The following DYM variants were observed in gnomAD, a reference collection of about 807,000 sequenced individuals.
DYM encodes dyggve-Melchior-Clausen syndrome protein.
In DYM, 78 loss-of-function variants were observed where a neutral mutation model predicts 93.1. The ratio of observed to expected loss-of-function variants is 0.84; its 90% confidence interval spans 0.70 to 1.01. The LOEUF (loss-of-function observed/expected upper bound fraction) is 1.01. Among genes scored for constraint, DYM ranks in the 50% least tolerant of loss-of-function variants. DYM has a pLI of 0.00. For synonymous variants in DYM, 321 were observed against 319.7 expected, an observed-to-expected ratio of 1.00 and a Z score of -0.04; for missense variants, 789 against 845.0, an observed-to-expected ratio of 0.93 and a Z score of 0.82.
intron 13 of DYM, among the ~76,000 whole-genome samples, chr18:49,217,150 A>G (rs992432868): frequency 6.6e-6 from 1 of 152,228 alleles, no homozygotes; most frequent in Non-Finnish European, 1.5e-5. Context: ...AAGAAAGGGT[A>G]TCAGTGATGC....
intron 5 of DYM, among the ~76,000 whole-genome samples, chr18:49,378,267 TTG>T (rs1053033819): frequency 6.6e-6 from 1 of 152,214 alleles, no homozygotes; most frequent in Non-Finnish European, 1.5e-5. Flanking sequence ...AAATACATAT[TTG>T]TGTGAGTTTT....
At chr18:49,119,885 C>T (rs758276263) in intron 15 of DYM, among the ~76,000 whole-genome samples, 8 of 151,786 alleles carry the variant, frequency 5.3e-5, no homozygotes, top group African/African-American at 1.2e-4. Flanking sequence ...CTCAGGAGTT[C>T]GAGACCAGCC....
At chr18:49,232,143 G>C (rs4491603) in intron 13 of DYM, among the ~76,000 whole-genome samples, 91,680 of 151,890 alleles carry the variant, frequency 0.6, 30,078 homozygotes, top group Non-Finnish European at 0.74. Flanking sequence ...TTGTTTGAAA[G>C]ACAGGTACGT....
At chr18:49,142,029 T>G (rs938508457) in intron 15 of DYM, among the ~76,000 whole-genome samples, 2 of 151,458 alleles carry the variant, frequency 1.3e-5, no homozygotes, top group African/African-American at 4.9e-5. Context: ...AATTTTTTTT[T>G]TTTTTTGTAT....
At chr18:49,410,934 G>A (rs2072172429) in intron 2 of DYM, among the ~76,000 whole-genome samples, 1 of 152,110 alleles carries the variant, frequency 6.6e-6, no homozygotes, top group Non-Finnish European at 1.5e-5. Flanking sequence ...GCATATTATT[G>A]TCCATATGCA....
intron 8 of DYM, among the ~76,000 whole-genome samples, chr18:49,324,349 T>C (rs1303266364): frequency 6.6e-6 from 1 of 152,154 alleles, no homozygotes; most frequent in Non-Finnish European, 1.5e-5. Flanking sequence ...TGAAAATCTT[T>C]AATTGGCAAA....
chr18:49,253,303 T>G (rs2094327397), intron 13 of DYM, among the ~76,000 whole-genome samples: 1 of 152,250 alleles, frequency 6.6e-6, no homozygotes, highest in Non-Finnish European at 1.5e-5. Flanking sequence ...TGAGTTGTAC[T>G]GCTGTAATAA....
chr18:49,376,699 G>A (rs549592118), intron 5 of DYM, among the ~76,000 whole-genome samples: 5 of 152,332 alleles, frequency 3.3e-5, no homozygotes, highest in East Asian at 1.9e-4. Context: ...AATGAAAGGC[G>A]ATAGACTCCT....
chr18:49,432,329 C>CAAA (rs11429840), intron 1 of DYM, among the ~76,000 whole-genome samples: 38 of 75,756 alleles, frequency 5.0e-4, no homozygotes, highest in African/African-American at 9.3e-4. Context: ...AAGACTGTCT[C>CAAA]AAAAAAAAAA....
chr18:49,129,456 T>C (rs1202584470), intron 15 of DYM, among the ~76,000 whole-genome samples: 2 of 152,224 alleles, frequency 1.3e-5, no homozygotes, highest in Non-Finnish European at 2.9e-5. Flanking sequence ...GAGGGTCAAG[T>C]ACCTCTTCTA....
At chr18:49,230,630 C>T (rs1179637675) in intron 13 of DYM, among the ~76,000 whole-genome samples, 5 of 152,146 alleles carry the variant, frequency 3.3e-5, no homozygotes, top group Non-Finnish European at 7.4e-5. Context: ...ATATTGGCCC[C>T]AAACAAACAA....
chr18:49,066,239 C>T (rs2076375440), intron 17 of DYM, among the ~76,000 whole-genome samples: 1 of 152,084 alleles, frequency 6.6e-6, no homozygotes, highest in East Asian at 1.9e-4. Flanking sequence ...ATCTCCCTGG[C>T]CATCACCACC....
At chr18:49,355,297 CTATCATAGA>C (rs983629360) in intron 6 of DYM, among the ~76,000 whole-genome samples, 16 of 151,812 alleles carry the variant, frequency 1.1e-4, no homozygotes, top group African/African-American at 3.4e-4. Flanking sequence ...GCATTGATAT[CTATCATAGA>C]TATCATAGAT....
intron 6 of DYM, among the ~76,000 whole-genome samples, chr18:49,357,870 C>A (rs918079100): frequency 1.3e-5 from 2 of 152,130 alleles, no homozygotes; most frequent in Non-Finnish European, 2.9e-5. Flanking sequence ...AAAAAACAGG[C>A]CAGGTGTGGT....
chr18:49,237,522 TTG>T (rs1777331571), intron 13 of DYM, among the ~76,000 whole-genome samples: 1 of 152,234 alleles, frequency 6.6e-6, no homozygotes, highest in African/African-American at 2.4e-5. Context: ...GGCTTCAAGT[TTG>T]TCTCTATTTT....
rs398032777 is a variant in DYM at position 49,384,322 on chromosome 18, C to CAAAAA, written c.194-4569_194-4565dup. ...GAGCGACAGAGTGAGACCATGTCTC[C>CAAAAA]AAAAAAAAAAAAAAAAAAAAAGGCT... On this transcript the variant is annotated intron_variant, in intron 3 of 17. Coordinates refer to ENST00000675505, the MANE Select transcript of DYM (RefSeq NM_001353214.3). Among the ~76,000 whole-genome samples the CAAAAA allele has an allele frequency of 3.9e-4, 26 of 65,836 alleles. No homozygotes were observed. In the East Asian group the frequency reaches 6.8e-3, roughly 17 times the overall value. The allele number at this position is 65,836 out of a possible 152,430, so 43.2% of individuals were successfully genotyped here.
At chr18:49,454,673 G>A (rs78426307) in intron 1 of DYM, among the ~76,000 whole-genome samples, 13,760 of 151,732 alleles carry the variant, frequency 0.091, 840 homozygotes, top group East Asian at 0.3. Context: ...GCCGAGGCCG[G>A]TGGATCACGA....
rs147446727 is a variant in DYM, at chr18:49,274,080, A to G, written c.1126-1777T>C. Reference sequence around the variant, plus strand: ...AATGGTTTACCATATACTCAGAAATATGTGTAACCATCACCACAGGCAACT... The same window carrying G: ...AATGGTTTACCATATACTCAGAAATGTGTGTAACCATCACCACAGGCAACT... On this transcript the variant is annotated intron_variant, in intron 10 of 17. Transcript: ENST00000675505. Among the ~76,000 whole-genome samples the G allele has an allele frequency of 7.0e-4, 107 of 152,234 alleles. 3 individuals carry two copies. The highest frequency in any genetic ancestry group is 2.4e-3 in the African/African-American group (101 of 41,572).
At chr18:49,058,671 T>C (rs1364719743) in intron 17 of DYM, among the ~76,000 whole-genome samples, 5 of 152,198 alleles carry the variant, frequency 3.3e-5, no homozygotes, top group African/African-American at 1.2e-4. Context: ...GGACCAATGA[T>C]AGATAATTCA....
Sources: allele counts gnomAD v4.1 joint callset (sites outside exome capture counted in the v4.1 genomes callset), GRCh38; gene constraint gnomAD v4.1.1; transcripts MANE v1.5; gene names NCBI Gene and HGNC (gene_info 2026-07-23, HGNC 2026-07-21).